ROBO2: variants seen among roughly 807,000 people sequenced by gnomAD.
ROBO2 encodes the protein roundabout homolog 2.
A neutral mutation model predicts 160.8 loss-of-function variants in ROBO2; 53 were observed. That is an observed-to-expected ratio of 0.33 (90% confidence interval 0.26 to 0.41). The LOEUF (loss-of-function observed/expected upper bound fraction) is 0.41. Among genes scored for constraint, ROBO2 ranks in the 10% least tolerant of loss-of-function variants. ROBO2 has a pLI of 1.00. For synonymous variants in ROBO2, 664 were observed against 611.7 expected, an observed-to-expected ratio of 1.09 and a Z score of -1.26; for missense variants, 1,577 against 1,722.4, an observed-to-expected ratio of 0.92 and a Z score of 1.49.
chr3:77,458,912 T>TTAAC (rs984925683), intron 2 of ROBO2, among the ~76,000 whole-genome samples: 9 of 152,186 alleles, frequency 5.9e-5, no homozygotes, highest in East Asian at 3.9e-4. Context: ...GCCACTTTTA[T>TTAAC]TAACTAGATG....
chr3:76,870,873 T>C (rs997081315), intron 2 of ROBO2, among the ~76,000 whole-genome samples: 4 of 152,160 alleles, frequency 2.6e-5, no homozygotes, highest in Admixed American at 1.3e-4. Context: ...GTTTATAAAA[T>C]GTATTTAGTT....
At chr3:76,907,823 G>GGGGTGT (rs112697690) in intron 2 of ROBO2, among the ~76,000 whole-genome samples, 517 of 145,524 alleles carry the variant, frequency 3.6e-3, no homozygotes, top group Non-Finnish European at 6.4e-3. Flanking sequence ...GTTTGTTTGG[G>GGGGTGT]GTGTGTGTGT....
chr3:76,687,619 A>C (rs2092713453), intron 2 of ROBO2, among the ~76,000 whole-genome samples: 1 of 152,050 alleles, frequency 6.6e-6, no homozygotes, highest in Non-Finnish European at 1.5e-5. Flanking sequence ...GAACAGAACA[A>C]CAATATGTTC....
intron 2 of ROBO2, among the ~76,000 whole-genome samples, chr3:76,064,135 T>G (rs1315665464): frequency 6.6e-6 from 1 of 152,190 alleles, no homozygotes; most frequent in Non-Finnish European, 1.5e-5. Context: ...AATTGCAGAC[T>G]GGTCGACACC....
chr3:76,670,449 A>T (rs1337347531), intron 2 of ROBO2, among the ~76,000 whole-genome samples: 2 of 151,984 alleles, frequency 1.3e-5, no homozygotes, highest in African/African-American at 4.8e-5. Flanking sequence ...TAGCCTCGGT[A>T]TGGCTGCCAG....
chr3:76,003,155 C>G (rs537515055), intron 2 of ROBO2, among the ~76,000 whole-genome samples: 2 of 152,184 alleles, frequency 1.3e-5, no homozygotes, highest in African/African-American at 4.8e-5. Context: ...CTTACACTTT[C>G]TTTTCTGTTG....
At chr3:76,771,294 G>C (rs1484722935) in intron 2 of ROBO2, among the ~76,000 whole-genome samples, 2 of 151,198 alleles carry the variant, frequency 1.3e-5, no homozygotes, top group African/African-American at 4.8e-5. Flanking sequence ...CTATATTGGG[G>C]TTAAGCAGGA....
At chr3:76,198,566 G>A (rs1305852882) in intron 2 of ROBO2, among the ~76,000 whole-genome samples, 2 of 152,088 alleles carry the variant, frequency 1.3e-5, no homozygotes, top group African/African-American at 4.8e-5. Flanking sequence ...ATTATATAGC[G>A]AATCCTCTTC....
chr3:76,489,798 A>C (rs4855982), intron 2 of ROBO2, among the ~76,000 whole-genome samples: 42,034 of 151,754 alleles, frequency 0.28, 7,290 homozygotes, highest in African/African-American at 0.48. Flanking sequence ...AAAAGATATT[A>C]TAAATATTCT....
intron 2 of ROBO2, among the ~76,000 whole-genome samples, chr3:76,201,687 T>G (rs1471263264): frequency 6.6e-6 from 1 of 152,110 alleles, no homozygotes; most frequent in Non-Finnish European, 1.5e-5. Context: ...CCATAAACTT[T>G]CACAGGTGTT....
At chr3:76,154,756 TG>T (rs1282103166) in intron 2 of ROBO2, among the ~76,000 whole-genome samples, 11 of 152,324 alleles carry the variant, frequency 7.2e-5, no homozygotes, top group African/African-American at 2.6e-4. Context: ...AATATTATGA[TG>T]TTTAACCATC....
At chr3:77,218,127 T>A (rs887775383) in intron 2 of ROBO2, among the ~76,000 whole-genome samples, 1 of 152,190 alleles carries the variant, frequency 6.6e-6, no homozygotes. Context: ...GTTAATGCTT[T>A]GTAGGGTCTA....
chr3:77,446,554 A>G (rs538621412), intron 2 of ROBO2, among the ~76,000 whole-genome samples: 2 of 152,196 alleles, frequency 1.3e-5, no homozygotes, highest in East Asian at 1.9e-4. Context: ...TATAAGCAGC[A>G]TATCTTTTGT....
intron 2 of ROBO2, chr3:77,316,929 A>AGG (rs2064054592): frequency 8.0e-7 from 1 of 1,246,302 alleles, no homozygotes; most frequent in Admixed American, 1.7e-5. Context: ...GGTCAGTCTG[A>AGG]TACTTGGCTG....
chr3:75,973,847 G>A (rs2065060805), intron 2 of ROBO2, among the ~76,000 whole-genome samples: 1 of 151,250 alleles, frequency 6.6e-6, no homozygotes, highest in South Asian at 2.1e-4. Flanking sequence ...TAGAAGAAAA[G>A]AGAAAATTTG....
chr3:75,945,248 T>G (rs1948234831), intron 2 of ROBO2, among the ~76,000 whole-genome samples: 1 of 152,140 alleles, frequency 6.6e-6, no homozygotes, highest in African/African-American at 2.4e-5. Context: ...TGGTGAAAAG[T>G]AATCCTGGAT....
chr3:76,373,473 T>A (rs1001614255), intron 2 of ROBO2, among the ~76,000 whole-genome samples: 3 of 151,972 alleles, frequency 2.0e-5, no homozygotes, highest in African/African-American at 7.2e-5. Context: ...CACTCTTGGA[T>A]GGAGCACTTG....
At chr3:77,607,917 G>A (rs1425343137) in exon 21 of ROBO2, 1 of 1,613,886 alleles carries the variant, frequency 6.2e-7, no homozygotes, top group Non-Finnish European at 8.5e-7. Context: ...TCCTGGCACG[G>A]AGCTGGAACA....
At chr3:76,657,886 A>G (rs543842866) in intron 2 of ROBO2, among the ~76,000 whole-genome samples, 187 of 146,884 alleles carry the variant, frequency 1.3e-3, no homozygotes, top group African/African-American at 4.0e-3. Context: ...GTGTGTGTGT[A>G]TATATATATA....
Sources: allele counts gnomAD v4.1 joint callset (sites outside exome capture counted in the v4.1 genomes callset), GRCh38; gene constraint gnomAD v4.1.1; transcripts MANE v1.5; gene names NCBI Gene and HGNC (gene_info 2026-07-23, HGNC 2026-07-21).